Variants in THRA observed in about 807,000 individuals in gnomAD.
THRA encodes the protein EAR-7.
A neutral mutation model predicts 45.0 loss-of-function variants in THRA; 13 were observed. That is an observed-to-expected ratio of 0.29 (90% CI 0.19 to 0.46). The LOEUF is 0.46. THRA is among the 20% of genes least tolerant of loss of function. The pLI is 1.00. For missense variants in THRA, 278 were observed against 556.1 expected (o/e 0.50, Z 5.03); for synonymous variants, 195 against 214.0 (o/e 0.91, Z 0.78).
chr17:40,077,747 G>C (rs1315583484), intron 4 of THRA, 139 bp downstream of exon 4: 12 of 658,522 alleles, frequency 1.8e-5, no homozygotes, highest in South Asian at 1.2e-4. Flanking sequence ...CCCCAGGCTG[G>C]AGTGCAGTGG....
intron 1 of THRA, among the ~76,000 whole-genome samples, chr17:40,063,554 T>C (rs1986442903): frequency 6.6e-6 from 1 of 151,234 alleles, no homozygotes; most frequent in Non-Finnish European, 1.5e-5. Context: ...CGGAGGGCAG[T>C]ATGAGTGCGG....
At chr17:40,073,168 G>A (rs1369288788) in intron 1 of THRA, among the ~76,000 whole-genome samples, 1 of 152,176 alleles carries the variant, frequency 6.6e-6, no homozygotes, top group Admixed American at 6.5e-5. Context: ...CAGAGGTTGA[G>A]GTCGTATGTT....
Position 40,074,405 on chromosome 17 carries a change from G to A in THRA, c.-84G>A. On this transcript the variant is annotated 5_prime_UTR_variant, in exon 2 of 9. Coordinates refer to ENST00000450525, the MANE Select transcript of THRA (RefSeq NM_199334.5). ...AGGGCCTGGGTGGCAGGGGGTGGGT[G>A]GCCTGTGGGTGTGCCGGGGGGGCCA... 1 of 1,493,404 alleles carries A rather than the reference G, an allele frequency of 6.7e-7. No individual in the cohort carries two copies. The highest frequency in any genetic ancestry group is 9.3e-7 in the Non-Finnish European group (1 of 1,077,080). 92.5% of individuals were successfully genotyped at this position (1,493,404 alleles called of 1,614,324 possible).
In THRA at chr17:40,086,702, T is replaced by A; in HGVS notation, c.577-5T>A. On this transcript the variant is annotated splice_region_variant and splice_polypyrimidine_tract_variant and intron_variant, in intron 6 of 8. Transcript: ENST00000450525. Reference sequence around the variant, plus strand: ...GCCCCAGCTGACCCCCGTCTTTCTCTCTAGCCCGATGACATTGGCCAGTCA... The same window carrying A: ...GCCCCAGCTGACCCCCGTCTTTCTCACTAGCCCGATGACATTGGCCAGTCA... 1 of 1,613,680 alleles carries A rather than the reference T, an allele frequency of 6.2e-7. No individual in the cohort carries two copies. The highest frequency in any genetic ancestry group is 8.5e-7 in the Non-Finnish European group (1 of 1,179,736).
intron 4 of THRA, among the ~76,000 whole-genome samples, chr17:40,081,730 G>A (rs1221471303): frequency 2.0e-5 from 3 of 151,970 alleles, no homozygotes; most frequent in East Asian, 1.9e-4. Flanking sequence ...TTGGGAGGCC[G>A]AGGTGGGCAG....
chr17:40,088,570 T>G, intron 8 of THRA, 70 bp downstream of exon 8: 1 of 1,539,602 alleles, frequency 6.5e-7, no homozygotes, highest in Non-Finnish European at 8.8e-7. Flanking sequence ...ACCCTGGGCC[T>G]GTTGCTCAAC....
chr17:40,062,622 A>C (rs1986392575), upstream of THRA: 1 of 152,144 alleles, frequency 6.6e-6, no homozygotes, highest in Non-Finnish European at 1.5e-5. Context: ...TTCTCCCGGC[A>C]AGCAAAGGCT....
intron 1 of THRA, among the ~76,000 whole-genome samples, chr17:40,064,331 A>T (rs557932292): frequency 6.6e-6 from 1 of 152,348 alleles, no homozygotes; most frequent in South Asian, 2.1e-4. Flanking sequence ...TGTCACATGC[A>T]TGCATGCACA....
intron 7 of THRA, 167 bp downstream of exon 7, chr17:40,087,020 AC>A: frequency 1.2e-6 from 1 of 843,622 alleles, no homozygotes. Flanking sequence ...GCATACACAT[AC>A]ACCCAGCACA....
intron 1 of THRA, 100 bp from the exon 2 acceptor site, chr17:40,074,092 G>C (rs1191844054): frequency 4.2e-6 from 1 of 238,268 alleles, no homozygotes; most frequent in Non-Finnish European, 8.5e-6. Flanking sequence ...CTGCTGTCTT[G>C]TTATGGGATC....
Position 40,088,948 on chromosome 17 carries a change from C to CCCGG in THRA, c.983-255_983-252dup, listed in dbSNP as rs571072310. On this transcript the variant is annotated intron_variant, in intron 8 of 8. Transcript: ENST00000450525. Reference sequence around the variant, plus strand: ...CAAGGCTCCTCTCTCTCCCCCAGCCCCCGGCCTGTCCCTCTGTCCTCCTTG... The same window carrying CCCGG: ...CAAGGCTCCTCTCTCTCCCCCAGCCCCCGGCCGGCCTGTCCCTCTGTCCTCCTTG... Among the ~76,000 whole-genome samples, 742 of 149,328 alleles carry CCCGG rather than the reference C, an allele frequency of 5.0e-3. 10 individuals carry two copies. The highest frequency in any genetic ancestry group is 8.6e-3 in the Non-Finnish European group (575 of 66,962).
chr17:40,084,847 AGC>A (rs778996916), intron 6 of THRA, 32 bp downstream of exon 6: 69 of 1,609,552 alleles, frequency 4.3e-5, no homozygotes, highest in Non-Finnish European at 5.8e-5. Context: ...GGAGAGCAGT[AGC>A]CAGGTGGCAG....
chr17:40,093,754 G>A (rs1047812080), downstream of THRA: 9 of 667,932 alleles, frequency 1.3e-5, no homozygotes, highest in South Asian at 9.4e-5. This position sits in a 1 kb window ranked among gnomAD's most constrained non-coding sequence, Gnocchi z 5.9. Context: ...ATAATTAGTC[G>A]GGCATGAGTC....
At position 40,070,358 on chromosome 17, in the gene THRA, C is replaced by T. The variant is rs149114776; in HGVS notation, c.-297-3834C>T. Reference sequence around the variant, plus strand: ...ATAACAGAGAGTTGGGTGGGGCAGCCCTGCTCAATCCATACCTGAGAATAG... The same window carrying T: ...ATAACAGAGAGTTGGGTGGGGCAGCTCTGCTCAATCCATACCTGAGAATAG... On this transcript the variant is annotated intron_variant, in intron 1 of 8. Transcript: ENST00000450525. Among the ~76,000 whole-genome samples the T allele has an allele frequency of 1.3e-3, 200 of 152,296 alleles. 3 individuals carry two copies. Among genetic ancestry groups the T allele is most frequent in the African/African-American group, 4.6e-3 (193 of 41,562 alleles).
intron 1 of THRA, 40 bp from the exon 2 acceptor site, chr17:40,074,152 G>A (rs1056618741): frequency 5.9e-5 from 18 of 302,860 alleles, no homozygotes; most frequent in Non-Finnish European, 8.4e-5. Flanking sequence ...CCTTCCTACC[G>A]TGACACCTTC....
chr17:40,083,913 A>G lies in THRA; in HGVS notation c.301A>G (p.Lys101Glu). 1 of 1,614,038 alleles carries G rather than the reference A, an allele frequency of 6.2e-7. No homozygotes were observed. The highest frequency in any genetic ancestry group is 1.1e-5 in the South Asian group (1 of 91,058). Residue 101 changes from lysine (K) to glutamate (E), a missense_variant, in exon 5 of 9, where the codon AAG becomes GAG. This residue lies in a region of THRA where 111 missense variants were observed against 167.1 expected (regional missense o/e 0.66). Coordinates refer to ENST00000450525, the MANE Select transcript of THRA (RefSeq NM_199334.5). ...CKYDSCCVID[K>E]ITRNQCQLCR... is the part of the protein sequence containing the mutation. ...ATATGACAGCTGCTGTGTCATTGAC[A>G]AGATCACCCGCAATCAGTGCCAGCT...
At chr17:40,087,007 CAT>C (rs1491057337) in intron 7 of THRA, 154 bp downstream of exon 7, 8 of 941,456 alleles carry the variant, frequency 8.5e-6, no homozygotes, top group African/African-American at 1.7e-5. Flanking sequence ...CACACACACA[CAT>C]GCATACACAT....
At position 40,089,094 on chromosome 17, in the gene THRA, C is replaced by T. The variant is rs1334049234; in HGVS notation, c.983-112C>T. The T allele has an allele frequency of 1.9e-6, 2 of 1,043,548 alleles. No individual in the cohort carries two copies. The highest frequency in any genetic ancestry group is 5.3e-5 in the East Asian group (2 of 37,598). The allele number at this position is 1,043,548 out of a possible 1,614,324, so 64.6% of individuals were successfully genotyped here. ...CTTCTCCCCTCCCCTCCCCCAGCCT[C>T]TCTGCCTCTATCTCCCCTCTAGTCC... On this transcript the variant is annotated intron_variant, in intron 8 of 8. Transcript: ENST00000450525. The surrounding 1 kb of genome is among the most constrained non-coding windows in gnomAD (Gnocchi z 6.1).
intron 4 of THRA, 42 bp from the exon 5 acceptor site, chr17:40,083,793 G>A: frequency 6.4e-7 from 1 of 1,556,396 alleles, no homozygotes; most frequent in Non-Finnish European, 8.7e-7. Flanking sequence ...GGAAGGGGAA[G>A]CCATGTCATG....
Sources: gnomAD v4.1 joint callset for allele counts (sites outside exome capture counted in the v4.1 genomes callset) on GRCh38, gnomAD v4.1.1 for gene constraint, gnomAD v4.1.1 regional missense constraint, Gnocchi (gnomAD v3.1) non-coding constraint, MANE v1.5 for transcripts, NCBI Gene and HGNC (gene_info 2026-07-23, HGNC 2026-07-21) for gene names.